HTR2B: variants seen among roughly 807,000 people sequenced by gnomAD.
The protein encoded by HTR2B is 5-HT 2B receptor.
Under a neutral mutation model 39.8 loss-of-function variants are expected in HTR2B, and 31 were observed. That is an observed-to-expected ratio of 0.78 (90% CI 0.58 to 1.05). HTR2B has a LOEUF of 1.05. HTR2B is among the 50% of genes least tolerant of loss of function. The pLI is 0.00. For synonymous variants in HTR2B, 210 were observed against 207.1 expected, an observed-to-expected ratio of 1.01 and a Z score of -0.12; for missense variants, 562 against 578.0, an observed-to-expected ratio of 0.97 and a Z score of 0.28.
rs200112720 is a variant in HTR2B at position 231,109,056 on chromosome 2, G to A, written c.907C>T (p.Arg303Ter). The change falls in exon 4 of 4, where the codon CGA becomes TGA. Residue 303 changes from arginine to a stop codon, truncating the protein, a stop_gained. Transcript: ENST00000258400. LOFTEE classifies it high-confidence loss of function. ...TTTTTCCCAATTGTGGATGTTCTTC[G>A]CATAAGTGTTTCATCACCTGAGTTG... Reference protein sequence around the residue: ...LPNSGDETLMRRTSTIGKKSV... With the variant: ...LPNSGDETLM The A allele has an allele frequency of 4.0e-5, 64 of 1,614,058 alleles. No homozygotes were observed. The highest frequency in any genetic ancestry group is 1.8e-4 in the Admixed American group (11 of 59,998).
intron 3 of HTR2B, among the ~76,000 whole-genome samples, chr2:231,110,268 C>T (rs901748567): frequency 5.9e-5 from 9 of 151,574 alleles, no homozygotes; most frequent in African/African-American, 1.5e-4. Flanking sequence ...TGCAGTGAGC[C>T]GAGATCACAC....
chr2:231,109,670 A>G (rs1695089525), intron 3 of HTR2B, among the ~76,000 whole-genome samples: 2 of 152,242 alleles, frequency 1.3e-5, no homozygotes, highest in African/African-American at 4.8e-5. Context: ...TAGTATATCC[A>G]TGATACAGTG....
In HTR2B at chr2:231,113,725, ATACC is replaced by A; in HGVS notation, c.553_553+3del. The A allele has an allele frequency of 6.2e-7, 1 of 1,612,152 alleles. No homozygotes were observed. On this transcript the variant is annotated splice_donor_variant and splice_donor_region_variant and coding_sequence_variant and intron_variant, in exon 3 of 4. Transcript: ENST00000258400. LOFTEE classifies it high-confidence loss of function. ...CCACCCACACTCTGGCATTCTCTACATACCTATTGAAATTAACCACACCACTGTA... is the reference window on the plus strand; with the variant it reads ...CCACCCACACTCTGGCATTCTCTACATATTGAAATTAACCACACCACTGTA...
At chr2:231,120,089 C>A (rs1318147522) in intron 2 of HTR2B, among the ~76,000 whole-genome samples, 1 of 151,690 alleles carries the variant, frequency 6.6e-6, no homozygotes, top group Non-Finnish European at 1.5e-5. Flanking sequence ...GTAGCTGGGA[C>A]TACAGGCGCG....
intron 2 of HTR2B, among the ~76,000 whole-genome samples, chr2:231,115,038 A>G (rs541041318): frequency 6.6e-6 from 1 of 152,170 alleles, no homozygotes; most frequent in Admixed American, 6.5e-5. Flanking sequence ...TATTGCAGGT[A>G]TATCTGACTT....
At chr2:231,118,375 C>G (rs942765430) in intron 2 of HTR2B, among the ~76,000 whole-genome samples, 5 of 152,262 alleles carry the variant, frequency 3.3e-5, no homozygotes, top group African/African-American at 4.8e-5. Flanking sequence ...GTGCATGCAT[C>G]TGATTCAGCT....
In HTR2B at chr2:231,113,877, G is replaced by C. The variant is rs757281938; in HGVS notation, c.405C>G (p.Asp135Glu). The C allele has an allele frequency of 6.2e-7, 1 of 1,614,018 alleles. No homozygotes were observed. Among genetic ancestry groups the C allele is most frequent in the Admixed American group, 1.7e-5 (1 of 59,998 alleles). Reference sequence around the variant, plus strand: ...TGATGGATGCGGTTGAAAAGAGAACGTCAAGAAATAACCAGGCAGGACATA... The same window carrying C: ...TGATGGATGCGGTTGAAAAGAGAACCTCAAGAAATAACCAGGCAGGACATA... Reference protein sequence around the residue: ...LVLCPAWLFLDVLFSTASIMH... With the variant: ...LVLCPAWLFLEVLFSTASIMH... Residue 135 changes from aspartate (D) to glutamate (E), a missense_variant, in exon 3 of 4, where the codon GAC becomes GAG. Physicochemically the swap from Asp to Glu is conservative, Grantham distance 45. Coordinates refer to ENST00000258400, the MANE Select transcript of HTR2B (RefSeq NM_000867.5).
At chr2:231,122,881 CAT>C (rs1408129969) in intron 2 of HTR2B, among the ~76,000 whole-genome samples, 1 of 152,090 alleles carries the variant, frequency 6.6e-6, no homozygotes, top group African/African-American at 2.4e-5. Flanking sequence ...TAACATGACA[CAT>C]ATGTAGGAAT....
At chr2:231,120,334 A>T (rs1217470887) in intron 2 of HTR2B, among the ~76,000 whole-genome samples, 2 of 152,170 alleles carry the variant, frequency 1.3e-5, no homozygotes, top group Non-Finnish European at 2.9e-5. Context: ...TGTCTTTTTT[A>T]TATCAGCATA....
chr2:231,112,756 A>G (rs1373697112), intron 3 of HTR2B, among the ~76,000 whole-genome samples: 2 of 152,240 alleles, frequency 1.3e-5, no homozygotes. Flanking sequence ...AGCTTTGAGT[A>G]TTATAGATGA....
Position 231,109,310 on chromosome 2 carries a change from A to T in HTR2B, c.653T>A (p.Met218Lys), listed in dbSNP as rs774331077. The change falls in exon 4 of 4, where the codon ATG becomes AAG. Residue 218 changes from methionine to lysine, a missense_variant. Physicochemically the swap from Met to Lys is moderately conservative, Grantham distance 95. Transcript: ENST00000258400. ...VLTKERFGDF[M>K]LFGSLAAFFT... ...GAAGGCAGCCAGTGAGCCAAAGAGC[A>T]TGAAATCGCCAAAACGTTCCTTTGT... 1 of 1,614,148 alleles carries T rather than the reference A, an allele frequency of 6.2e-7. No individual in the cohort carries two copies. The highest frequency in any genetic ancestry group is 8.5e-7 in the Non-Finnish European group (1 of 1,180,002).
intron 3 of HTR2B, among the ~76,000 whole-genome samples, chr2:231,111,512 A>G (rs1163857903): frequency 6.6e-6 from 1 of 152,184 alleles, no homozygotes; most frequent in African/African-American, 2.4e-5. Context: ...ACCCTGTTAT[A>G]TTATTATACT....
At position 231,108,264 on chromosome 2, in the gene HTR2B, T is replaced by G; in HGVS notation, c.*253A>C. The G allele has an allele frequency of 2.7e-6, 1 of 376,214 alleles. No homozygotes were observed. The highest frequency in any genetic ancestry group is 4.8e-6 in the Non-Finnish European group (1 of 209,222). 23.3% of individuals were successfully genotyped at this position (376,214 alleles called of 1,614,324 possible). A position where few individuals can be genotyped will look rare whatever the true frequency, so the allele number is the denominator to read the frequency against. On this transcript the variant is annotated 3_prime_UTR_variant, in exon 4 of 4. Transcript: ENST00000258400. ...AAGCCTGAAATTTATTGATTTGACT[T>G]TATTTCATTCGAATACCTTAAAATT...
intron 2 of HTR2B, among the ~76,000 whole-genome samples, chr2:231,118,337 G>A (rs1695415152): frequency 6.6e-6 from 1 of 152,122 alleles, no homozygotes; most frequent in African/African-American, 2.4e-5. Flanking sequence ...AAATAAGAGT[G>A]TTTGTCTTTC....
intron 2 of HTR2B, among the ~76,000 whole-genome samples, chr2:231,118,539 A>G (rs780423496): frequency 3.3e-5 from 5 of 152,186 alleles, no homozygotes; most frequent in Non-Finnish European, 2.9e-5. Flanking sequence ...CAGGAAAATA[A>G]CCTGTATGCA....
intron 2 of HTR2B, among the ~76,000 whole-genome samples, chr2:231,123,163 CT>C (rs564940082): frequency 1.2e-4 from 18 of 152,076 alleles, no homozygotes; most frequent in Non-Finnish European, 2.5e-4. Context: ...ACTTGAATGA[CT>C]TTTTAAATGA....
intron 2 of HTR2B, among the ~76,000 whole-genome samples, chr2:231,115,827 G>A (rs1451918175): frequency 2.0e-5 from 3 of 152,118 alleles, no homozygotes; most frequent in Non-Finnish European, 2.9e-5. Flanking sequence ...CATCACCTGG[G>A]TACTTAGATA....
At position 231,123,630 on chromosome 2, in the gene HTR2B, CT is replaced by C; in HGVS notation, c.134del (p.Gln45ArgfsTer16). 2.5e-6 allele frequency: 4 copies of C among 1,614,136 alleles called. No individual in the cohort carries two copies. The highest frequency in any genetic ancestry group is 3.4e-6 in the Non-Finnish European group (4 of 1,179,954). On this transcript the variant is annotated frameshift_variant, in exon 2 of 4. Coordinates refer to ENST00000258400, the MANE Select transcript of HTR2B (RefSeq NM_000867.5). LOFTEE classifies it high-confidence loss of function. The part of the protein sequence containing the change: ...QTESIPEEMK[Q>X]IVEEQGNKLH... ...GTTTATTTCCCTGTTCCTCAACAATCTGTTTCATTTCCTCTGGTATTGATTC... is the reference window on the plus strand; with the variant it reads ...GTTTATTTCCCTGTTCCTCAACAATCGTTTCATTTCCTCTGGTATTGATTC...
At chr2:231,119,516 A>T (rs1695457706) in intron 2 of HTR2B, among the ~76,000 whole-genome samples, 2 of 152,170 alleles carry the variant, frequency 1.3e-5, no homozygotes, top group African/African-American at 4.8e-5. Flanking sequence ...GCCATTTTAT[A>T]TACTCTTTCA....
Sources: gnomAD v4.1 joint callset for allele counts (sites outside exome capture counted in the v4.1 genomes callset) on GRCh38, gnomAD v4.1.1 for gene constraint, MANE v1.5 for transcripts, NCBI Gene and HGNC (gene_info 2026-07-23, HGNC 2026-07-21) for gene names.